The following SFMBT1 variants were observed in gnomAD, a reference collection of about 807,000 sequenced individuals.
SFMBT1 encodes the protein Scm like with four mbt domains 1.
Under a neutral mutation model 108.7 loss-of-function variants are expected in SFMBT1, and 32 were observed. The ratio of observed to expected loss-of-function variants is 0.29; its 90% CI spans 0.22 to 0.40. The LOEUF is 0.40. Among genes scored for constraint, SFMBT1 ranks in the 10% least tolerant of loss-of-function variants. The probability of loss-of-function intolerance (pLI) is 1.00; values close to 1 mark genes in which losing one functional copy is unlikely to be tolerated. For missense variants in SFMBT1, 816 were observed against 1,059.6 expected, an observed-to-expected ratio of 0.77 and a Z score of 3.19; for synonymous variants, 348 against 369.5, an observed-to-expected ratio of 0.94 and a Z score of 0.67.
chr3:52,913,677 G>C (rs1000777014), intron 14 of SFMBT1, 60 bp from the exon 15 acceptor site: 1 of 1,572,662 alleles, frequency 6.4e-7, no homozygotes, highest in Non-Finnish European at 8.6e-7. Flanking sequence ...CGTTTCCAAA[G>C]CTGAACTGCC....
At chr3:52,953,315 T>C (rs1703655978) in intron 3 of SFMBT1, among the ~76,000 whole-genome samples, 1 of 152,070 alleles carries the variant, frequency 6.6e-6, no homozygotes, top group African/African-American at 2.4e-5. Flanking sequence ...TAGCTGGGTG[T>C]GGTGGTGTAC....
chr3:53,034,025 G>C (rs1699778271), intron 1 of SFMBT1, among the ~76,000 whole-genome samples: 1 of 144,148 alleles, frequency 6.9e-6, no homozygotes, highest in Non-Finnish European at 1.5e-5. Flanking sequence ...AGCCGAGATG[G>C]CGCCATTGCA....
intron 1 of SFMBT1, among the ~76,000 whole-genome samples, chr3:52,992,984 T>C (rs945193957): frequency 1.1e-4 from 16 of 152,200 alleles, no homozygotes; most frequent in African/African-American, 3.9e-4. Context: ...TAGATAGAAT[T>C]GGAGTCTCAG....
intron 4 of SFMBT1, among the ~76,000 whole-genome samples, chr3:52,943,066 G>C (rs1369876901): frequency 6.6e-6 from 1 of 152,178 alleles, no homozygotes; most frequent in Admixed American, 6.5e-5. Flanking sequence ...AAAACAACCA[G>C]ATCTACAAAT....
intron 3 of SFMBT1, among the ~76,000 whole-genome samples, chr3:52,951,864 G>A (rs1166219253): frequency 6.6e-6 from 1 of 152,198 alleles, no homozygotes; most frequent in African/African-American, 2.4e-5. Flanking sequence ...ATGTTACAGT[G>A]CTGCAGAGAT....
intron 1 of SFMBT1, among the ~76,000 whole-genome samples, chr3:52,988,699 C>T (rs1324500815): frequency 2.0e-5 from 3 of 152,108 alleles, no homozygotes; most frequent in Non-Finnish European, 4.4e-5. Context: ...TAGAGATGTA[C>T]TACGTAACAC....
intron 1 of SFMBT1, among the ~76,000 whole-genome samples, chr3:53,008,793 G>A (rs1038192390): frequency 6.6e-6 from 1 of 151,808 alleles, no homozygotes; most frequent in African/African-American, 2.4e-5. Flanking sequence ...CCGCCACCAC[G>A]CCCGGCTAAT....
At chr3:53,003,249 TA>T (rs1301910410) in intron 1 of SFMBT1, among the ~76,000 whole-genome samples, 1 of 149,626 alleles carries the variant, frequency 6.7e-6, no homozygotes, top group East Asian at 1.9e-4. Context: ...ATACCACAAT[TA>T]AAACGTATTC....
chr3:53,033,387 C>T (rs548418100), intron 1 of SFMBT1, among the ~76,000 whole-genome samples: 23 of 152,200 alleles, frequency 1.5e-4, no homozygotes, highest in African/African-American at 5.5e-4. Flanking sequence ...TCTCAAATGC[C>T]TGACCTCAAG....
intron 2 of SFMBT1, among the ~76,000 whole-genome samples, chr3:52,966,336 A>AAAAAAT (rs1214815068): frequency 3.1e-5 from 3 of 97,796 alleles, no homozygotes; most frequent in Non-Finnish European, 6.3e-5. Context: ...AGAAAAAAAA[A>AAAAAAT]AGGACTAAAG....
intron 1 of SFMBT1, among the ~76,000 whole-genome samples, chr3:52,988,362 G>A (rs180983518): frequency 1.3e-5 from 2 of 152,178 alleles, no homozygotes; most frequent in East Asian, 3.9e-4. Context: ...GAGAACTTTT[G>A]GATAGGCTAC....
intron 13 of SFMBT1, among the ~76,000 whole-genome samples, chr3:52,917,529 G>A (rs1179711637): frequency 6.6e-6 from 1 of 152,126 alleles, no homozygotes. Context: ...CCAGCCTCCA[G>A]AATGTAAGAA....
intron 2 of SFMBT1, among the ~76,000 whole-genome samples, chr3:52,957,798 C>T (rs907938708): frequency 6.6e-6 from 1 of 152,114 alleles, no homozygotes; most frequent in Non-Finnish European, 1.5e-5. Context: ...ACACCTAATA[C>T]AAAAATTAAC....
rs35638922 is a variant in SFMBT1 at position 52,960,616 on chromosome 3, G to GATCTATCTATCTATCT, written c.29-6221_29-6206dup. On this transcript the variant is annotated intron_variant, in intron 2 of 20. Coordinates refer to ENST00000394752, the MANE Select transcript of SFMBT1 (RefSeq NM_016329.4). ...CTCAAAATATTTTTAATTATCATATGATCTATCTATCTATCTATCTCTCTA... is the reference window on the plus strand; with the variant it reads ...CTCAAAATATTTTTAATTATCATATGATCTATCTATCTATCTATCTATCTATCTATCTATCTCTCTA... Among the ~76,000 whole-genome samples the GATCTATCTATCTATCT allele has an allele frequency of 7.9e-4, 119 of 150,706 alleles. 1 individual carries two copies. Among genetic ancestry groups the GATCTATCTATCTATCT allele is most frequent in the South Asian group, 5.0e-3 (24 of 4,772 alleles).
At chr3:53,023,847 A>G (rs1699395558) in intron 1 of SFMBT1, among the ~76,000 whole-genome samples, 1 of 152,176 alleles carries the variant, frequency 6.6e-6, no homozygotes, top group South Asian at 2.1e-4. Flanking sequence ...TTTCCTGACT[A>G]GACACTCGCT....
intron 1 of SFMBT1, among the ~76,000 whole-genome samples, chr3:53,006,977 G>C (rs1352703572): frequency 6.6e-6 from 1 of 152,126 alleles, no homozygotes; most frequent in Non-Finnish European, 1.5e-5. Flanking sequence ...AGCTCCATGA[G>C]GGTATGCAGG....
chr3:52,910,941 C>T, intron 17 of SFMBT1, 62 bp downstream of exon 17: 1 of 1,549,460 alleles, frequency 6.5e-7, no homozygotes, highest in East Asian at 2.2e-5. Flanking sequence ...AAGTAAAAAA[C>T]TTTCCAAGAT....
At chr3:53,033,009 C>CAG (rs1699738605) in intron 1 of SFMBT1, among the ~76,000 whole-genome samples, 1 of 152,122 alleles carries the variant, frequency 6.6e-6, no homozygotes, top group Non-Finnish European at 1.5e-5. Context: ...AAGACTCTGC[C>CAG]TTTTGAAGTA....
intron 12 of SFMBT1, among the ~76,000 whole-genome samples, chr3:52,920,307 G>A (rs889802122): frequency 8.5e-5 from 13 of 152,192 alleles, no homozygotes; most frequent in Non-Finnish European, 1.9e-4. Flanking sequence ...TTTGAGTGCA[G>A]CCTGTGAGAG....
Sources: gnomAD v4.1 joint callset for allele counts (sites outside exome capture counted in the v4.1 genomes callset) on GRCh38, gnomAD v4.1.1 for gene constraint, MANE v1.5 for transcripts, NCBI Gene and HGNC (gene_info 2026-07-23, HGNC 2026-07-21) for gene names.